Variants in PCDHA8 observed in about 807,000 individuals in gnomAD.
PCDHA8 encodes the protein protocadherin alpha 8.
In PCDHA8, 53 loss-of-function variants were observed where a neutral mutation model predicts 61.8. That is an observed-to-expected ratio of 0.86 (90% confidence interval 0.69 to 1.08). The LOEUF (loss-of-function observed/expected upper bound fraction) is 1.08. Ranked by LOEUF, PCDHA8 falls within the 50% of genes least tolerant of loss-of-function variation. PCDHA8 has a pLI of 0.00. For synonymous variants in PCDHA8, 618 were observed against 556.6 expected (o/e 1.11, Z -1.55); for missense variants, 1,293 against 1,245.0 (o/e 1.04, Z -0.58).
Position 140,899,097 on chromosome 5 carries a change from T to C in PCDHA8, c.2394+55382T>C, listed in dbSNP as rs1160754058. Among the ~76,000 whole-genome samples the C allele has an allele frequency of 9.8e-3, 1,481 of 151,828 alleles. 12 individuals carry two copies. The highest frequency in any genetic ancestry group is 0.026 in the African/African-American group (1,065 of 41,212). ...AGCTTAAGGAGATTTTGGGCTGAGATAATGGGGTTTTCTAGATATACAATC... is the reference window on the plus strand; with the variant it reads ...AGCTTAAGGAGATTTTGGGCTGAGACAATGGGGTTTTCTAGATATACAATC... On this transcript the variant is annotated intron_variant, in intron 1 of 3. Transcript: ENST00000531613.
chr5:140,856,147 A>T lies in PCDHA8; in HGVS notation c.2394+12432A>T, dbSNP rs142037616. ...TGGGGAGCGGCCAGCTCCACTACTC[A>T]GTCTACGAGGAGGCCAGACACGGCA... is the stretch of plus-strand genomic sequence containing the variant. On this transcript the variant is annotated intron_variant, in intron 1 of 3. Transcript: ENST00000531613. 363 of 1,598,234 alleles carry T rather than the reference A, an allele frequency of 2.3e-4. 22 individuals are homozygous for T. In the African/African-American group the frequency reaches 3.7e-3, roughly 16 times the overall value.
rs115903226 is a variant in PCDHA8 at position 140,929,361 on chromosome 5, C to A, written c.2395-49588C>A. 4,899 of 1,519,562 alleles carry A rather than the reference C, an allele frequency of 3.2e-3. 25 individuals carry two copies. The highest frequency in any genetic ancestry group is 0.019 in the African/African-American group (1,394 of 71,916). 94.1% of individuals were successfully genotyped at this position (1,519,562 alleles called of 1,614,324 possible). On this transcript the variant is annotated intron_variant, in intron 1 of 3. Coordinates refer to ENST00000531613, the MANE Select transcript of PCDHA8 (RefSeq NM_018911.3). ...TTTATGGAATTTGATTCCTTTGGCC[C>A]GGAGATGGCTGCTAGCTGTGTTTTG...
At position 140,928,315 on chromosome 5, in the gene PCDHA8, G is replaced by A. The variant is rs535660713; in HGVS notation, c.2395-50634G>A. On this transcript the variant is annotated intron_variant, in intron 1 of 3. Coordinates refer to ENST00000531613, the MANE Select transcript of PCDHA8 (RefSeq NM_018911.3). ...AGTGTTTGCCCAGGACCCCGACCTG[G>A]GGAAGAATGGCCTTGTCTCTTATGA... The A allele has an allele frequency of 1.3e-4, 210 of 1,614,054 alleles. No homozygotes were observed. Among genetic ancestry groups the A allele is most frequent in the Non-Finnish European group, 1.7e-4 (203 of 1,180,048 alleles).
At chr5:140,993,151 TC>T (rs2097543126) in intron 3 of PCDHA8, among the ~76,000 whole-genome samples, 1 of 152,246 alleles carries the variant, frequency 6.6e-6, no homozygotes, top group Admixed American at 6.5e-5. Flanking sequence ...ATAAATGGAT[TC>T]TAAATATTTG....
chr5:140,974,979 C>T (rs782292099), intron 1 of PCDHA8, among the ~76,000 whole-genome samples: 6 of 152,136 alleles, frequency 3.9e-5, no homozygotes, highest in African/African-American at 7.2e-5. Context: ...CTGAGTTGTC[C>T]GCTCAGGTAT....
At chr5:140,877,812 A>AGT (rs1199623134) in intron 1 of PCDHA8, 1 of 1,610,228 alleles carries the variant, frequency 6.2e-7, no homozygotes, top group East Asian at 2.2e-5. Context: ...AGCTGTCTCG[A>AGT]GAAGATTGTT....
chr5:140,942,115 A>T (rs1440934670), intron 1 of PCDHA8, among the ~76,000 whole-genome samples: 2 of 152,232 alleles, frequency 1.3e-5, no homozygotes, highest in Non-Finnish European at 2.9e-5. Flanking sequence ...ATCAAACTTT[A>T]TTAAAGGTGA....
intron 1 of PCDHA8, among the ~76,000 whole-genome samples, chr5:140,971,436 C>G (rs2153789972): frequency 6.6e-6 from 1 of 152,278 alleles, no homozygotes; most frequent in Non-Finnish European, 1.5e-5. Flanking sequence ...ACCCCAAGAT[C>G]TACAGCTCCA....
At chr5:140,883,485 CATT>C in intron 1 of PCDHA8, 1 of 1,614,190 alleles carries the variant, frequency 6.2e-7, no homozygotes. Flanking sequence ...AACTACTACT[CATT>C]AGTGCTGGAC....
In PCDHA8 at chr5:141,011,632, C is replaced by T. The variant is rs1333162247; in HGVS notation, c.*1695C>T. Reference sequence around the variant, plus strand: ...TTTATGGTCCAGCCAAGAGCCATCTCGTGCCAAGACTTCTGCTGGCAAGGG... The same window carrying T: ...TTTATGGTCCAGCCAAGAGCCATCTTGTGCCAAGACTTCTGCTGGCAAGGG... On this transcript the variant is annotated 3_prime_UTR_variant, in exon 4 of 4. Transcript: ENST00000531613. The T allele has an allele frequency of 1.3e-5, 2 of 153,656 alleles. No homozygotes were observed. The highest frequency in any genetic ancestry group is 4.8e-5 in the African/African-American group (2 of 41,412). 9.5% of individuals were successfully genotyped at this position (153,656 alleles called of 1,614,324 possible).
rs1382247797 is a variant in PCDHA8 at position 141,012,282 on chromosome 5, C to T, written c.*2345C>T. 2.6e-5 allele frequency: 4 copies of T among 153,718 alleles called. No individual in the cohort carries two copies. Among genetic ancestry groups the T allele is most frequent in the Non-Finnish European group, 4.4e-5 (3 of 68,036 alleles). 9.5% of individuals were successfully genotyped at this position (153,718 alleles called of 1,614,324 possible). Reference sequence around the variant, plus strand: ...AAGGATAAAACACGTCATGTGGATTCATTTTGAATTGGTGCTATTGGTATT... The same window carrying T: ...AAGGATAAAACACGTCATGTGGATTTATTTTGAATTGGTGCTATTGGTATT... On this transcript the variant is annotated 3_prime_UTR_variant, in exon 4 of 4. Coordinates refer to ENST00000531613, the MANE Select transcript of PCDHA8 (RefSeq NM_018911.3).
At chr5:140,884,414 C>G in intron 1 of PCDHA8, 2 of 1,614,008 alleles carry the variant, frequency 1.2e-6, no homozygotes, top group Non-Finnish European at 1.7e-6. Context: ...GCTCACGTTG[C>G]TGCTGTATAC....
At chr5:140,876,709 C>T (rs782033453) in intron 1 of PCDHA8, 1 of 1,614,248 alleles carries the variant, frequency 6.2e-7, no homozygotes, top group Non-Finnish European at 8.5e-7. Context: ...GGACAGCGCC[C>T]TGGACCGCGA....
At chr5:140,889,160 A>T (rs1582978614) in intron 1 of PCDHA8, among the ~76,000 whole-genome samples, 1 of 151,778 alleles carries the variant, frequency 6.6e-6, no homozygotes, top group Middle Eastern at 3.4e-3. Context: ...TTCTTTGTTA[A>T]GTATTCAAGT....
chr5:141,002,047 C>A (rs1449885583), intron 3 of PCDHA8, among the ~76,000 whole-genome samples: 2 of 152,202 alleles, frequency 1.3e-5, no homozygotes, highest in Non-Finnish European at 2.9e-5. Flanking sequence ...TCCTGGGCAT[C>A]CAGAGGCAGC....
At chr5:140,889,503 C>G (rs2062252341) in intron 1 of PCDHA8, among the ~76,000 whole-genome samples, 2 of 151,950 alleles carry the variant, frequency 1.3e-5, no homozygotes, top group Admixed American at 1.3e-4. Context: ...AGTGATATTT[C>G]CCTTTCCATT....
At position 141,009,798 on chromosome 5, in the gene PCDHA8, A is replaced by T; in HGVS notation, c.2714A>T (p.Asn905Ile). 1 of 1,614,116 alleles carries T rather than the reference A, an allele frequency of 6.2e-7. No individual in the cohort carries two copies. The highest frequency in any genetic ancestry group is 2.2e-5 in the East Asian group (1 of 44,868). Residue 905 changes from asparagine (N) to isoleucine (I), a missense_variant, in exon 4 of 4, where the codon AAC (asparagine) becomes ATC (isoleucine). Asn to Ile is a moderately radical substitution (Grantham distance 149). Coordinates refer to ENST00000531613, the MANE Select transcript of PCDHA8 (RefSeq NM_018911.3). The stretch of plus-strand genomic sequence containing the variant: ...ATCTCCATCCGGCAGGAGCCTACTA[A>T]CAGCCAAATTGACAAAAGTGACTTC... Reference protein sequence around the residue: ...AIISIRQEPTNSQIDKSDFIT... With the variant: ...AIISIRQEPTISQIDKSDFIT...
At chr5:140,844,954 C>T (rs1258176227) in intron 1 of PCDHA8, among the ~76,000 whole-genome samples, 1 of 149,088 alleles carries the variant, frequency 6.7e-6, no homozygotes, top group African/African-American at 2.5e-5. Flanking sequence ...ACTCTGAATT[C>T]TTACAGTTTG....
intron 3 of PCDHA8, among the ~76,000 whole-genome samples, chr5:141,009,322 G>C (rs2098405890): frequency 6.6e-6 from 1 of 152,206 alleles, no homozygotes. Flanking sequence ...AGCCTGGCAT[G>C]GGAGCTTGTG....
Sources: gnomAD v4.1 joint callset for allele counts (sites outside exome capture counted in the v4.1 genomes callset) on GRCh38, gnomAD v4.1.1 for gene constraint, MANE v1.5 for transcripts, NCBI Gene and HGNC (gene_info 2026-07-23, HGNC 2026-07-21) for gene names.